Variants in APOO observed in about 807,000 individuals in gnomAD.
APOO encodes the protein MICOS complex subunit MIC26.
APOO carries 11 observed loss-of-function variants against 23.1 expected under a neutral mutation model. The observed-to-expected ratio is 0.48, with a 90% CI of 0.30 to 0.79. The LOEUF is 0.79. APOO is among the 30% of genes least tolerant of loss of function. APOO has a pLI of 0.07. For synonymous variants in APOO, 59 were observed against 54.8 expected, an observed-to-expected ratio of 1.08 and a Z score of -0.34; for missense variants, 160 against 142.7, an observed-to-expected ratio of 1.12 and a Z score of -0.62.
intron 1 of APOO, among the ~76,000 whole-genome samples, chrX:23,905,567 G>A (rs2707160): frequency 0.54 from 59,090 of 109,132 alleles, 13,346 homozygotes; most frequent in Non-Finnish European, 0.71. Flanking sequence ...TAAGTGTCCC[G>A]TCTGTGAAGC....
At chrX:23,872,455 G>A (rs979812869) in intron 4 of APOO, among the ~76,000 whole-genome samples, 6 of 106,915 alleles carry the variant, frequency 5.6e-5, no homozygotes, top group African/African-American at 2.1e-4. Flanking sequence ...GACTATATCA[G>A]GAGTTCTCTA....
intron 5 of APOO, among the ~76,000 whole-genome samples, chrX:23,865,950 G>C (rs1019175177): frequency 1.8e-5 from 2 of 111,567 alleles, no homozygotes; most frequent in African/African-American, 3.3e-5. Context: ...AAAATCAGAG[G>C]ACTAGGACCC....
At chrX:23,895,867 ATT>A (rs201867407) in intron 1 of APOO, among the ~76,000 whole-genome samples, 1 of 105,142 alleles carries the variant, frequency 9.5e-6, no homozygotes, top group African/African-American at 3.4e-5. Context: ...AGAAAATGGC[ATT>A]TTTTTTAAAA....
intron 1 of APOO, among the ~76,000 whole-genome samples, chrX:23,887,229 CTTTTTTTTTTTTT>C (rs765596270): frequency 7.4e-5 from 4 of 54,212 alleles, no homozygotes; most frequent in Non-Finnish European, 9.5e-5. Flanking sequence ...TTCTTTTTCC[CTTTTTTTTTTTTT>C]TTTTTTTTTT....
At chrX:23,863,261 A>G (rs1192093797) in intron 5 of APOO, among the ~76,000 whole-genome samples, 2 of 112,110 alleles carry the variant, frequency 1.8e-5, no homozygotes, top group Middle Eastern at 4.2e-3. Context: ...TTGAACCCAG[A>G]GGTGGAGGAG....
Position 23,874,407 on chromosome X carries a change from C to T in APOO, c.288G>A (p.Gly96=). The T allele has an allele frequency of 1.7e-6, 2 of 1,208,722 alleles. No homozygotes were observed. The highest frequency in any genetic ancestry group is 3.5e-5 in the South Asian group (2 of 56,830). Residue 96 remains glycine, a synonymous_variant, in exon 4 of 9, where the codon GGG becomes GGA. Transcript: ENST00000379226. Reference sequence around the variant, plus strand: ...CCTAATTTAAAATCAACTTACCTAACCCCCATTGAACCAAACTTTGCATCT... The same window carrying T: ...CCTAATTTAAAATCAACTTACCTAATCCCCATTGAACCAAACTTTGCATCT... ...KPKMQSLVQW[G]LDSYDYLQNA... is the part of the protein sequence containing the mutation.
At chrX:23,847,258 C>T (rs1045582608) in intron 7 of APOO, among the ~76,000 whole-genome samples, 38 of 111,944 alleles carry the variant, frequency 3.4e-4, no homozygotes, top group Non-Finnish European at 1.3e-4. Flanking sequence ...CCAAGAATTA[C>T]AAAGCATTCA....
chrX:23,841,483 GT>G (rs1386120126), intron 7 of APOO, among the ~76,000 whole-genome samples: 4 of 56,571 alleles, frequency 7.1e-5, no homozygotes, highest in African/African-American at 3.0e-4. Flanking sequence ...AGAAAAAGAA[GT>G]TTAAAAAAAA....
At chrX:23,842,324 G>A (rs1051566213) in intron 7 of APOO, among the ~76,000 whole-genome samples, 3 of 111,666 alleles carry the variant, frequency 2.7e-5, no homozygotes, top group African/African-American at 9.8e-5. Flanking sequence ...GGGAGGTTGA[G>A]GCTGCAGTAA....
At chrX:23,873,606 C>CA (rs1244513973) in intron 4 of APOO, among the ~76,000 whole-genome samples, 2,307 of 78,474 alleles carry the variant, frequency 0.029, 53 homozygotes, top group African/African-American at 0.089. Context: ...TATTTTGTCT[C>CA]AAAAAAAAAA....
chrX:23,849,609 A>AAAAAAAAAAAAAAAAAAAAAAAAAGGAGG, intron 7 of APOO, among the ~76,000 whole-genome samples: 1 of 94,479 alleles, frequency 1.1e-5, no homozygotes, highest in East Asian at 3.2e-4. Context: ...AAAAAAAAAA[A>AAAAAAAAAAAAAAAAAAAAAAAAAGGAGG]GTTCGGGCAT....
intron 5 of APOO, among the ~76,000 whole-genome samples, chrX:23,862,540 C>T (rs1208904126): frequency 2.8e-5 from 3 of 107,487 alleles, no homozygotes; most frequent in Non-Finnish European, 5.8e-5. Context: ...CTTTGGGAGG[C>T]TGAAGAAGGA....
intron 1 of APOO, among the ~76,000 whole-genome samples, chrX:23,899,696 T>C (rs1927048276): frequency 8.9e-6 from 1 of 112,283 alleles, no homozygotes; most frequent in African/African-American, 3.2e-5. Flanking sequence ...TCTAAACTTT[T>C]TGAAACAGAT....
At position 23,887,360 on chromosome X, in the gene APOO, A is replaced by G. The variant is rs1043269832; in HGVS notation, c.10-6408T>C. On this transcript the variant is annotated intron_variant, in intron 1 of 8. Transcript: ENST00000379226. ...GCCATTCTCCTGCCTCAGCCTCCCA[A>G]GTAGCTGGGACTACAGGTGTGCGCC... 7.7e-5 allele frequency among the ~76,000 whole-genome samples: 8 copies of G among 103,499 alleles called. No individual in the cohort carries two copies. The East Asian group carries it at 1.3e-3, about 17-fold the overall frequency. The allele number at this position is 103,499 out of a possible 115,157, so 89.9% of individuals were successfully genotyped here. A position where few individuals can be genotyped will look rare whatever the true frequency, so the allele number is the denominator to read the frequency against.
chrX:23,872,510 G>A (rs927991822), intron 4 of APOO, among the ~76,000 whole-genome samples: 2 of 88,671 alleles, frequency 2.3e-5, no homozygotes, highest in Admixed American at 1.3e-4. Flanking sequence ...CTGTCAGCTT[G>A]TTATGAGAAT....
At chrX:23,900,303 C>T (rs1927071871) in intron 1 of APOO, among the ~76,000 whole-genome samples, 1 of 111,482 alleles carries the variant, frequency 9.0e-6, no homozygotes, top group African/African-American at 3.3e-5. Context: ...AATTGAATCT[C>T]CCAACAATCC....
chrX:23,899,488 AAAAT>A (rs1927039013), intron 1 of APOO, among the ~76,000 whole-genome samples: 1 of 112,440 alleles, frequency 8.9e-6, no homozygotes, highest in Non-Finnish European at 1.9e-5. Context: ...GCAAAAGTGA[AAAAT>A]AAATAACTTC....
At chrX:23,856,849 C>G (rs1457592290) in intron 6 of APOO, among the ~76,000 whole-genome samples, 5 of 113,014 alleles carry the variant, frequency 4.4e-5, no homozygotes, top group Non-Finnish European at 9.4e-5. Context: ...CCAACATGCC[C>G]AGCCAATGGT....
intron 4 of APOO, among the ~76,000 whole-genome samples, chrX:23,873,839 A>C (rs767654569): frequency 8.9e-6 from 1 of 111,861 alleles, no homozygotes; most frequent in African/African-American, 3.2e-5. Context: ...TATCTTTATT[A>C]ATTTACCAGT....
Sources: allele counts gnomAD v4.1 joint callset (sites outside exome capture counted in the v4.1 genomes callset), GRCh38; gene constraint gnomAD v4.1.1; transcripts MANE v1.5; gene names NCBI Gene and HGNC (gene_info 2026-07-23, HGNC 2026-07-21).